HIVEP3: variants seen among roughly 807,000 people sequenced by gnomAD.
HIVEP3 encodes transcription factor HIVEP3.
Under a neutral mutation model 152.8 loss-of-function variants are expected in HIVEP3, and 49 were observed. The observed-to-expected ratio is 0.32, with a 90% CI of 0.26 to 0.41. The LOEUF is 0.41. Ranked by LOEUF, HIVEP3 falls within the 10% of genes least tolerant of loss-of-function variation. The probability of loss-of-function intolerance (pLI) is 1.00; values close to 1 mark genes in which losing one functional copy is unlikely to be tolerated. For missense variants in HIVEP3, 2,790 were observed against 3,103.3 expected (o/e 0.90, Z 2.40); for synonymous variants, 1,269 against 1,289.0 (o/e 0.98, Z 0.33).
intron 1 of HIVEP3, among the ~76,000 whole-genome samples, chr1:41,858,871 G>C (rs1332764045): frequency 6.6e-6 from 1 of 152,180 alleles, no homozygotes; most frequent in East Asian, 1.9e-4. Context: ...GGGGGTGCCT[G>C]GGCAGACAGA....
At chr1:41,544,820 TACCACCACCATC>T (rs1558046102) in intron 5 of HIVEP3, among the ~76,000 whole-genome samples, 1 of 24,532 alleles carries the variant, frequency 4.1e-5, no homozygotes, top group Non-Finnish European at 8.4e-5. Context: ...CTACCACCTC[TACCACCACCATC>T]ACCACCACCA....
intron 1 of HIVEP3, among the ~76,000 whole-genome samples, chr1:41,733,451 G>T (rs996773601): frequency 1.2e-4 from 18 of 152,240 alleles, no homozygotes; most frequent in Admixed American, 9.8e-4. Flanking sequence ...TGTGGGAAGG[G>T]TCCTTAGTGG....
At chr1:41,905,428 G>A (rs141161402) in intron 1 of HIVEP3, among the ~76,000 whole-genome samples, 174 of 152,314 alleles carry the variant, frequency 1.1e-3, no homozygotes, top group Middle Eastern at 3.4e-3. Flanking sequence ...GCCATTATGA[G>A]CTGTTAAAAG....
intron 5 of HIVEP3, among the ~76,000 whole-genome samples, chr1:41,574,370 A>G (rs1186407323): frequency 6.6e-6 from 1 of 152,134 alleles, no homozygotes; most frequent in African/African-American, 2.4e-5. Context: ...TGTTTTTTCA[A>G]CGCAGCTGCT....
chr1:41,814,193 T>C (rs577210054), intron 1 of HIVEP3, among the ~76,000 whole-genome samples: 12 of 152,324 alleles, frequency 7.9e-5, no homozygotes, highest in African/African-American at 2.6e-4. Context: ...ACGTCATGTC[T>C]GTGAGGCTTG....
intron 2 of HIVEP3, among the ~76,000 whole-genome samples, chr1:41,658,580 C>G (rs958444770): frequency 3.9e-5 from 6 of 152,310 alleles, no homozygotes; most frequent in South Asian, 4.1e-4. Context: ...ACTTCACCCC[C>G]CCCATGAGCC....
chr1:42,016,079 T>A (rs1645520710), intron 1 of HIVEP3, among the ~76,000 whole-genome samples: 1 of 152,184 alleles, frequency 6.6e-6, no homozygotes, highest in African/African-American at 2.4e-5. Context: ...CAGCAAGTAA[T>A]GGAATGTGGT....
intron 5 of HIVEP3, among the ~76,000 whole-genome samples, chr1:41,547,756 A>G (rs1026408060): frequency 4.6e-5 from 7 of 152,182 alleles, no homozygotes; most frequent in African/African-American, 1.7e-4. Flanking sequence ...TCATGTATTC[A>G]TTGCCACTCT....
At position 41,882,953 on chromosome 1, in the gene HIVEP3, T is replaced by A. The variant is rs114418451; in HGVS notation, c.-801+35460A>T. On this transcript the variant is annotated intron_variant, in intron 1 of 8. Coordinates refer to ENST00000372583, the MANE Select transcript of HIVEP3 (RefSeq NM_024503.5). ...AATATGAGACAGGGCTGAACTGGCT[T>A]TCTGTCTAGAAATTCTAGATTAAAA... is the stretch of plus-strand genomic sequence containing the variant. 6.0e-3 allele frequency among the ~76,000 whole-genome samples: 920 copies of A among 152,152 alleles called. 8 individuals are homozygous for A. Among genetic ancestry groups the A allele is most frequent in the African/African-American group, 0.021 (872 of 41,500 alleles).
At chr1:41,872,089 T>C (rs1644090897) in intron 1 of HIVEP3, among the ~76,000 whole-genome samples, 1 of 152,132 alleles carries the variant, frequency 6.6e-6, no homozygotes, top group South Asian at 2.1e-4. Flanking sequence ...TGCCAGAAAG[T>C]TCCCTCATCC....
chr1:41,882,450 G>A (rs990945037), intron 1 of HIVEP3, among the ~76,000 whole-genome samples: 2 of 152,204 alleles, frequency 1.3e-5, no homozygotes, highest in Non-Finnish European at 2.9e-5. Context: ...TAGACAGAAG[G>A]CTGTGGTCAT....
At chr1:41,620,200 G>T (rs1198598297) in intron 3 of HIVEP3, among the ~76,000 whole-genome samples, 1 of 152,192 alleles carries the variant, frequency 6.6e-6, no homozygotes, top group African/African-American at 2.4e-5. Context: ...CCTGACAGGT[G>T]GCACAGGTGG....
chr1:41,988,329 C>A (rs1166210137), intron 1 of HIVEP3, among the ~76,000 whole-genome samples: 2 of 152,108 alleles, frequency 1.3e-5, no homozygotes, highest in African/African-American at 2.4e-5. Context: ...GCAAACCAAT[C>A]ATCTGATATG....
chr1:41,674,858 G>A (rs931599316), intron 2 of HIVEP3, among the ~76,000 whole-genome samples: 4 of 152,158 alleles, frequency 2.6e-5, no homozygotes, highest in Admixed American at 6.5e-5. Context: ...AAAGCCCTGA[G>A]AGGGGCGGGT....
At chr1:41,718,774 CCACACACACACACACACACACACGTG>C (rs1343400184) in intron 1 of HIVEP3, among the ~76,000 whole-genome samples, 1 of 148,444 alleles carries the variant, frequency 6.7e-6, no homozygotes, top group African/African-American at 2.5e-5. Flanking sequence ...TCTTTCACAC[CCACACACACACACACACACACACGTG>C]CACACACACA....
chr1:41,655,370 G>C (rs1165547214), intron 2 of HIVEP3, among the ~76,000 whole-genome samples: 1 of 151,914 alleles, frequency 6.6e-6, no homozygotes, highest in Non-Finnish European at 1.5e-5. Flanking sequence ...ATTACTTGAG[G>C]TCAGAAGTTC....
At chr1:41,643,334 C>A (rs761411146) in intron 2 of HIVEP3, among the ~76,000 whole-genome samples, 2 of 152,200 alleles carry the variant, frequency 1.3e-5, no homozygotes, top group Admixed American at 6.5e-5. Context: ...CACTGTCCAG[C>A]GACATTTATT....
chr1:41,544,785 T>TCACCACCA (rs1643647672), intron 5 of HIVEP3, among the ~76,000 whole-genome samples: 1 of 70,714 alleles, frequency 1.4e-5, no homozygotes, highest in African/African-American at 5.9e-5. Flanking sequence ...TACCTCTACC[T>TCACCACCA]CCACTGCTAC....
chr1:41,759,009 C>T (rs1264608490), intron 1 of HIVEP3, among the ~76,000 whole-genome samples: 1 of 152,000 alleles, frequency 6.6e-6, no homozygotes, highest in Non-Finnish European at 1.5e-5. Flanking sequence ...TAAGTGCTTT[C>T]GCAGTGTTGT....
Sources: allele counts gnomAD v4.1 joint callset (sites outside exome capture counted in the v4.1 genomes callset), GRCh38; gene constraint gnomAD v4.1.1; transcripts MANE v1.5; gene names NCBI Gene and HGNC (gene_info 2026-07-23, HGNC 2026-07-21).